UNC5C: variants seen among roughly 807,000 people sequenced by gnomAD.
The protein encoded by UNC5C is netrin receptor UNC5C.
UNC5C carries 47 observed loss-of-function variants against 99.8 expected under a neutral mutation model. That is an observed-to-expected ratio of 0.47 (90% CI 0.37 to 0.60). The LOEUF is 0.60. Ranked by LOEUF, UNC5C falls within the 20% of genes least tolerant of loss-of-function variation. The pLI is 0.00. For synonymous variants in UNC5C, 487 were observed against 452.2 expected (o/e 1.08, Z -0.98); for missense variants, 1,062 against 1,165.9 (o/e 0.91, Z 1.30).
chr4:95,314,202 G>A (rs1742385807), intron 2 of UNC5C, among the ~76,000 whole-genome samples: 1 of 152,124 alleles, frequency 6.6e-6, no homozygotes, highest in African/African-American at 2.4e-5. Context: ...GACTGGTTTG[G>A]GGAATTTTCA....
chr4:95,229,139 T>A (rs1428878316), intron 7 of UNC5C, among the ~76,000 whole-genome samples: 1 of 152,162 alleles, frequency 6.6e-6, no homozygotes, highest in Non-Finnish European at 1.5e-5. Context: ...TCCATTTTTT[T>A]TAATTATACT....
chr4:95,251,738 C>T (rs951892274), intron 4 of UNC5C, among the ~76,000 whole-genome samples: 10 of 152,186 alleles, frequency 6.6e-5, no homozygotes, highest in African/African-American at 2.4e-4. Flanking sequence ...TAAGGAGCTA[C>T]TCTAGCACCA....
chr4:95,531,869 A>G (rs1722653333), intron 1 of UNC5C, among the ~76,000 whole-genome samples: 1 of 152,258 alleles, frequency 6.6e-6, no homozygotes, highest in Non-Finnish European at 1.5e-5. Flanking sequence ...TTTTGGCACA[A>G]CAATAACCCC....
At position 95,219,122 on chromosome 4, in the gene UNC5C, T is replaced by C; in HGVS notation, c.1492A>G (p.Thr498Ala). 1 of 1,614,138 alleles carries C rather than the reference T, an allele frequency of 6.2e-7. No individual in the cohort carries two copies. Among genetic ancestry groups the C allele is most frequent in the Non-Finnish European group, 8.5e-7 (1 of 1,180,014 alleles). Residue 498 changes from threonine to alanine, a missense_variant, in exon 9 of 16, where the codon ACG (threonine) becomes GCG (alanine). This residue lies in a region of UNC5C where 810 missense variants were observed against 854.5 expected (regional missense o/e 0.95). Transcript: ENST00000453304. ...VTPQDDLSEF[T>A]SKLSPQMTQS... Reference sequence around the variant, plus strand: ...GTCATCTGAGGGGACAGCTTGGACGTAAACTCAGAGAGGTCATCTTGGGGG... The same window carrying C: ...GTCATCTGAGGGGACAGCTTGGACGCAAACTCAGAGAGGTCATCTTGGGGG...
chr4:95,465,156 A>C (rs1747734758), intron 1 of UNC5C, among the ~76,000 whole-genome samples: 1 of 152,138 alleles, frequency 6.6e-6, no homozygotes, highest in South Asian at 2.1e-4. Context: ...TATGTTAAGT[A>C]AACAATAAAA....
chr4:95,373,150 C>A (rs748065863), intron 1 of UNC5C, among the ~76,000 whole-genome samples: 6 of 152,104 alleles, frequency 3.9e-5, no homozygotes, highest in Non-Finnish European at 5.9e-5. Context: ...CTTGTTTTGA[C>A]CCCTAAACGC....
Position 95,548,778 on chromosome 4 carries a change from GCAGGTAGCACGAGCATTT to G in UNC5C, c.62_79del (p.Gln21_Ala27delinsPro), listed in dbSNP as rs1209598466. ...GCCGCTGGCGCTGAGCAGGGCCAGG[GCAGGTAGCACGAGCATTT>G]GCAGCAAGTATCCCAGTCCCAGTCC... On this transcript the variant is annotated inframe_deletion, in exon 1 of 16. Coordinates refer to ENST00000453304, the MANE Select transcript of UNC5C (RefSeq NM_003728.4). 2.1e-5 allele frequency: 34 copies of G among 1,613,440 alleles called. No homozygotes were observed. The highest frequency in any genetic ancestry group is 2.8e-5 in the Non-Finnish European group (33 of 1,179,984).
intron 1 of UNC5C, among the ~76,000 whole-genome samples, chr4:95,489,868 G>C (rs1194277061): frequency 2.0e-5 from 3 of 151,688 alleles, no homozygotes; most frequent in African/African-American, 7.3e-5. Flanking sequence ...CTATGCAGAT[G>C]AGTGTATGAT....
chr4:95,397,008 A>T (rs1319772988), intron 1 of UNC5C, among the ~76,000 whole-genome samples: 1 of 152,102 alleles, frequency 6.6e-6, no homozygotes, highest in Non-Finnish European at 1.5e-5. Flanking sequence ...CATGGGTTTG[A>T]TGCATTCAGG....
rs1735888657 is a variant in UNC5C, at chr4:95,167,159, ATAATTCAAGTCTGT to A, written c.*2061_*2074del. On this transcript the variant is annotated 3_prime_UTR_variant, in exon 16 of 16. Transcript: ENST00000453304. Reference sequence around the variant, plus strand: ...AACATGGAAAGATGGAAGCACATGTATAATTCAAGTCTGTTCAGCAACTTGTGTGCCTCCAGCCT... The same window carrying A: ...AACATGGAAAGATGGAAGCACATGTATCAGCAACTTGTGTGCCTCCAGCCT... 6.6e-6 allele frequency: 1 copy of A among 152,230 alleles called. No individual in the cohort carries two copies. The highest frequency in any genetic ancestry group is 1.5e-5 in the Non-Finnish European group (1 of 68,048). 9.4% of individuals were successfully genotyped at this position (152,230 alleles called of 1,614,324 possible). A position where few individuals can be genotyped will look rare whatever the true frequency, so the allele number is the denominator to read the frequency against.
At chr4:95,221,356 T>C (rs1270974961) in intron 7 of UNC5C, among the ~76,000 whole-genome samples, 2 of 152,164 alleles carry the variant, frequency 1.3e-5, no homozygotes, top group Admixed American at 1.3e-4. Context: ...GAGAGAGAAC[T>C]TTCCAATTTG....
intron 3 of UNC5C, among the ~76,000 whole-genome samples, chr4:95,295,677 G>A (rs1472787344): frequency 2.6e-5 from 4 of 152,088 alleles, no homozygotes; most frequent in African/African-American, 4.8e-5. Context: ...GTTTAGCATC[G>A]TGGTGATCTT....
intron 1 of UNC5C, among the ~76,000 whole-genome samples, chr4:95,442,988 G>A (rs772000511): frequency 3.0e-4 from 46 of 152,102 alleles, no homozygotes; most frequent in Non-Finnish European, 4.0e-4. Context: ...CAAAGAGCTC[G>A]CATTCCAGTT....
At chr4:95,424,309 T>C (rs1201910198) in intron 1 of UNC5C, among the ~76,000 whole-genome samples, 1 of 148,704 alleles carries the variant, frequency 6.7e-6, no homozygotes, top group Non-Finnish European at 1.5e-5. Context: ...AAAATTGAAA[T>C]ACCAAAATTA....
intron 1 of UNC5C, among the ~76,000 whole-genome samples, chr4:95,414,587 C>G (rs1422763672): frequency 6.6e-6 from 1 of 152,228 alleles, no homozygotes; most frequent in Non-Finnish European, 1.5e-5. Context: ...GAACACAGAG[C>G]TTATTACTGT....
At chr4:95,329,363 G>C (rs6843030) in intron 2 of UNC5C, among the ~76,000 whole-genome samples, 59,658 of 151,998 alleles carry the variant, frequency 0.39, 13,565 homozygotes, top group East Asian at 0.83. Flanking sequence ...AGCAATGAAG[G>C]TTCAATGGAC....
At chr4:95,356,215 A>AAAAAAAC in intron 1 of UNC5C, among the ~76,000 whole-genome samples, 1 of 75,384 alleles carries the variant, frequency 1.3e-5, no homozygotes, top group South Asian at 3.5e-4. Context: ...AAAAAAAACA[A>AAAAAAAC]AACAAAAAAA....
Position 95,165,463 on chromosome 4 carries a change from C to G in UNC5C, c.*3771G>C, listed in dbSNP as rs1406433253. 6.6e-6 allele frequency: 1 copy of G among 152,204 alleles called. No individual in the cohort carries two copies. The highest frequency in any genetic ancestry group is 1.5e-5 in the Non-Finnish European group (1 of 68,052). 9.4% of individuals were successfully genotyped at this position (152,204 alleles called of 1,614,324 possible). A position where few individuals can be genotyped will look rare whatever the true frequency, so the allele number is the denominator to read the frequency against. On this transcript the variant is annotated 3_prime_UTR_variant, in exon 16 of 16. Coordinates refer to ENST00000453304, the MANE Select transcript of UNC5C (RefSeq NM_003728.4). ...TTGGAAGATGCCGTTTGTGAAACAG[C>G]TGTTAGCTGTGAGAACCTTGGTGTT...
chr4:95,173,461 A>G (rs1329736300), intron 14 of UNC5C, among the ~76,000 whole-genome samples: 4 of 149,822 alleles, frequency 2.7e-5, no homozygotes, highest in Non-Finnish European at 4.4e-5. Context: ...GGGTTGTTGA[A>G]TTTTGTCAAA....
Sources: allele counts gnomAD v4.1 joint callset (sites outside exome capture counted in the v4.1 genomes callset), GRCh38; gene constraint gnomAD v4.1.1; regional missense constraint gnomAD v4.1.1; transcripts MANE v1.5; gene names NCBI Gene and HGNC (gene_info 2026-07-23, HGNC 2026-07-21).